FLI1: variants seen among roughly 807,000 people sequenced by gnomAD.
FLI1 encodes Friend leukemia integration 1 transcription factor.
Under a neutral mutation model 53.1 loss-of-function variants are expected in FLI1, and 13 were observed. The ratio of observed to expected loss-of-function variants is 0.24; its 90% CI spans 0.16 to 0.39. FLI1 has a LOEUF of 0.39. Among genes scored for constraint, FLI1 ranks in the 10% least tolerant of loss-of-function variants. The probability of loss-of-function intolerance (pLI) is 1.00; values close to 1 mark genes in which losing one functional copy is unlikely to be tolerated. For missense variants in FLI1, 424 were observed against 600.5 expected, an observed-to-expected ratio of 0.71 and a Z score of 3.07; for synonymous variants, 244 against 236.7, an observed-to-expected ratio of 1.03 and a Z score of -0.28.
intron 4 of FLI1, among the ~76,000 whole-genome samples, chr11:128,776,213 C>T (rs1454165706): frequency 6.6e-6 from 1 of 152,172 alleles, no homozygotes; most frequent in East Asian, 1.9e-4. Flanking sequence ...TAGGGAGGTG[C>T]TTGTTCTTCA....
intron 1 of FLI1, among the ~76,000 whole-genome samples, chr11:128,748,528 G>A (rs1005615671): frequency 1.3e-5 from 2 of 152,128 alleles, no homozygotes; most frequent in Non-Finnish European, 2.9e-5. Flanking sequence ...AGCTACTCAG[G>A]AGGCTGAGGC....
chr11:128,795,867 A>G (rs1231622242), intron 5 of FLI1, among the ~76,000 whole-genome samples: 1 of 152,174 alleles, frequency 6.6e-6, no homozygotes, highest in Non-Finnish European at 1.5e-5. Flanking sequence ...GCATTTTCAT[A>G]TGCATGGTGT....
chr11:128,699,844 T>C (rs1938246089), intron 1 of FLI1, among the ~76,000 whole-genome samples: 1 of 152,226 alleles, frequency 6.6e-6, no homozygotes, highest in South Asian at 2.1e-4. Context: ...AATAAACCTT[T>C]CCTGTGCAAA....
intron 1 of FLI1, among the ~76,000 whole-genome samples, chr11:128,733,176 GT>G (rs61558006): frequency 0.8 from 120,946 of 150,644 alleles, 48,739 homozygotes; most frequent in East Asian, 0.95. Flanking sequence ...ATTGCAAGAG[GT>G]TTTTTTTTTT....
chr11:128,744,570 A>G (rs533435430), intron 1 of FLI1, among the ~76,000 whole-genome samples: 1 of 152,344 alleles, frequency 6.6e-6, no homozygotes, highest in Non-Finnish European at 1.5e-5. Context: ...CAAGTGGTAG[A>G]TGTAGAATTC....
chr11:128,693,798 A>T, upstream of FLI1: 1 of 225,578 alleles, frequency 4.4e-6, no homozygotes. Context: ...TGCGCAGCGC[A>T]TGAATGTGTC....
At chr11:128,785,436 A>C (rs966307874) in intron 5 of FLI1, among the ~76,000 whole-genome samples, 4 of 151,640 alleles carry the variant, frequency 2.6e-5, no homozygotes, top group African/African-American at 9.7e-5. Flanking sequence ...CACAGCTACT[A>C]GATGGCAGAG....
intron 1 of FLI1, among the ~76,000 whole-genome samples, chr11:128,753,090 C>G (rs1468355147): frequency 6.6e-6 from 1 of 152,178 alleles, no homozygotes; most frequent in Non-Finnish European, 1.5e-5. Context: ...ACTTCCCTGC[C>G]TGGAACAAGG....
intron 1 of FLI1, among the ~76,000 whole-genome samples, chr11:128,709,773 C>A (rs1938708634): frequency 6.6e-6 from 1 of 152,204 alleles, no homozygotes; most frequent in Non-Finnish European, 1.5e-5. Flanking sequence ...TGCCTCCACC[C>A]ATACATCTAC....
At chr11:128,735,830 A>AAT (rs1939888460) in intron 1 of FLI1, among the ~76,000 whole-genome samples, 1 of 152,228 alleles carries the variant, frequency 6.6e-6, no homozygotes, top group Non-Finnish European at 1.5e-5. Context: ...AGTATTTAGA[A>AAT]TAATAAGATG....
chr11:128,697,267 C>T (rs1938119327), intron 1 of FLI1, among the ~76,000 whole-genome samples: 1 of 152,196 alleles, frequency 6.6e-6, no homozygotes, highest in Non-Finnish European at 1.5e-5. Flanking sequence ...GAATGCCTGA[C>T]TCAGTGCACG....
At chr11:128,689,299 C>T (rs1937646175), upstream of FLI1, among the ~76,000 whole-genome samples, 1 of 152,222 alleles carries the variant, frequency 6.6e-6, no homozygotes, top group African/African-American at 2.4e-5. Flanking sequence ...CCGCGGAGTG[C>T]AAAGCACTTT....
At chr11:128,727,608 T>C (rs1175527394) in intron 1 of FLI1, among the ~76,000 whole-genome samples, 1 of 152,206 alleles carries the variant, frequency 6.6e-6, no homozygotes, top group Non-Finnish European at 1.5e-5. Context: ...GTACATAGAT[T>C]TAAGTCCCAT....
chr11:128,708,753 C>T (rs1591740632), intron 1 of FLI1, among the ~76,000 whole-genome samples: 1 of 152,164 alleles, frequency 6.6e-6, no homozygotes, highest in South Asian at 2.1e-4. Flanking sequence ...GCCAATGTAA[C>T]AAGATTGCTG....
rs557887836 is a variant in FLI1, at chr11:128,738,589, A to T, written c.19-19526A>T. 5.3e-5 allele frequency among the ~76,000 whole-genome samples: 8 copies of T among 152,226 alleles called. No homozygotes were observed. In the South Asian group the frequency reaches 1.7e-3, roughly 32 times the overall value. The stretch of plus-strand genomic sequence containing the variant: ...GAAAGATCTGGCTTTTACTCCTGGC[A>T]CCCCACTTCAAGCTGTGTGACATTG... On this transcript the variant is annotated intron_variant, in intron 1 of 8. Coordinates refer to ENST00000527786, the MANE Select transcript of FLI1 (RefSeq NM_002017.5).
chr11:128,781,835 A>G, intron 4 of FLI1, 123 bp from the exon 5 acceptor site: 1 of 763,422 alleles, frequency 1.3e-6, no homozygotes, highest in Non-Finnish European at 2.4e-6. Flanking sequence ...TCTTCCTAGG[A>G]GTCCTCTGTC....
chr11:128,785,142 A>C (rs1942043884), intron 5 of FLI1, among the ~76,000 whole-genome samples: 1 of 152,164 alleles, frequency 6.6e-6, no homozygotes, highest in South Asian at 2.1e-4. Context: ...CTTTAAATTA[A>C]ATATTCTATG....
intron 1 of FLI1, among the ~76,000 whole-genome samples, chr11:128,740,280 G>A (rs1315550670): frequency 6.6e-6 from 1 of 152,226 alleles, no homozygotes; most frequent in Non-Finnish European, 1.5e-5. Context: ...GCCTGAAAGA[G>A]GAAATGTTGT....
intron 1 of FLI1, among the ~76,000 whole-genome samples, chr11:128,738,149 T>C (rs1939983928): frequency 6.6e-6 from 1 of 152,178 alleles, no homozygotes; most frequent in African/African-American, 2.4e-5. Context: ...AACGTCACCC[T>C]GCTCTCCTGA....
Sources: allele counts gnomAD v4.1 joint callset (sites outside exome capture counted in the v4.1 genomes callset), GRCh38; gene constraint gnomAD v4.1.1; transcripts MANE v1.5; gene names NCBI Gene and HGNC (gene_info 2026-07-23, HGNC 2026-07-21).